Variants in KIAA1217 observed in about 807,000 individuals in gnomAD.
KIAA1217 encodes sickle tail protein homolog.
In KIAA1217, 88 loss-of-function variants were observed where a neutral mutation model predicts 163.9. The ratio of observed to expected loss-of-function variants is 0.54; its 90% CI spans 0.45 to 0.64. The LOEUF is 0.64. Ranked by LOEUF, KIAA1217 falls within the 30% of genes least tolerant of loss-of-function variation. KIAA1217 has a pLI of 0.00. For missense variants in KIAA1217, 2,372 were observed against 2,475.0 expected (o/e 0.96, Z 0.88); for synonymous variants, 903 against 923.1 (o/e 0.98, Z 0.39).
In KIAA1217 at chr10:24,543,462, G is replaced by A; in HGVS notation, c.4192G>A (p.Gly1398Arg). The A allele has an allele frequency of 6.2e-7, 1 of 1,614,138 alleles. No individual in the cohort carries two copies. Among genetic ancestry groups the A allele is most frequent in the Non-Finnish European group, 8.5e-7 (1 of 1,180,030 alleles). The change falls in exon 19 of 21, where the codon GGG (glycine) becomes AGG (arginine). Residue 1398 changes from glycine to arginine, a missense_variant. Physicochemically the swap from Gly to Arg is moderately radical, Grantham distance 125. This residue lies in a region of KIAA1217 where 690 missense variants were observed against 677.5 expected (regional missense o/e 1.02). Coordinates refer to ENST00000376454, the MANE Select transcript of KIAA1217 (RefSeq NM_019590.5). Reference sequence around the variant, plus strand: ...AACCACTGTCCAGGTTCTTTCCAGTGGGGAGGTGCATGATATTGTTAGCCA... The same window carrying A: ...AACCACTGTCCAGGTTCTTTCCAGTAGGGAGGTGCATGATATTGTTAGCCA... ...TETTVQVLSSGEVHDIVSQKG... is the reference protein window; with the variant it reads ...TETTVQVLSSREVHDIVSQKG...
At chr10:24,425,958 TC>T (rs2059136266) in intron 3 of KIAA1217, among the ~76,000 whole-genome samples, 1 of 152,262 alleles carries the variant, frequency 6.6e-6, no homozygotes, top group South Asian at 2.1e-4. Flanking sequence ...TTAATATTTT[TC>T]ATAAGTTGAA....
intron 1 of KIAA1217, among the ~76,000 whole-genome samples, chr10:23,699,731 C>T (rs565587680): frequency 6.6e-6 from 1 of 152,294 alleles, no homozygotes; most frequent in East Asian, 1.9e-4. Context: ...CTCAAGTGAT[C>T]CTCACACCTT....
At chr10:24,361,621 A>G (rs973415321) in intron 2 of KIAA1217, among the ~76,000 whole-genome samples, 3 of 152,226 alleles carry the variant, frequency 2.0e-5, no homozygotes, top group East Asian at 1.9e-4. Flanking sequence ...GGCAAATACC[A>G]TATCATGCAG....
intron 5 of KIAA1217, among the ~76,000 whole-genome samples, chr10:24,443,103 A>AT (rs2060635310): frequency 2.0e-5 from 3 of 151,834 alleles, no homozygotes; most frequent in African/African-American, 7.3e-5. Flanking sequence ...AAGAAATGGG[A>AT]TTTTGCCATG....
At chr10:24,410,893 A>G (rs1564632766) in intron 3 of KIAA1217, among the ~76,000 whole-genome samples, 1 of 152,138 alleles carries the variant, frequency 6.6e-6, no homozygotes, top group African/African-American at 2.4e-5. Flanking sequence ...ACCTAAAATA[A>G]TCTGTTTCTC....
At chr10:24,155,682 C>T (rs186743643) in intron 2 of KIAA1217, among the ~76,000 whole-genome samples, 169 of 152,134 alleles carry the variant, frequency 1.1e-3, no homozygotes, top group African/African-American at 4.0e-3. Flanking sequence ...ATTAGCTGGG[C>T]TCAGTGGCGG....
chr10:24,456,439 A>G (rs1244337529), intron 5 of KIAA1217, among the ~76,000 whole-genome samples: 1 of 152,216 alleles, frequency 6.6e-6, no homozygotes, highest in African/African-American at 2.4e-5. Context: ...TCAGTGACAC[A>G]ACAATGATGG....
Position 24,520,164 on chromosome 10 carries a change from C to T in KIAA1217, c.2219C>T (p.Thr740Met), listed in dbSNP as rs771678693. ...GTTGAAGACTTGAAGAAGGACTCCA[C>T]GGCAGCCAGCCGATTGGTTACTCTG... Reference protein sequence around the residue: ...DFVEDLKKDSTAASRLVTLKD... With the variant: ...DFVEDLKKDSMAASRLVTLKD... Residue 740 changes from threonine to methionine, a missense_variant, in exon 11 of 21, where the codon ACG (threonine) becomes ATG (methionine). By Grantham distance (81) the Thr-to-Met change is moderately conservative. Coordinates refer to ENST00000376454, the MANE Select transcript of KIAA1217 (RefSeq NM_019590.5). The T allele has an allele frequency of 6.2e-7, 1 of 1,614,084 alleles. No individual in the cohort carries two copies. Among genetic ancestry groups the T allele is most frequent in the South Asian group, 1.1e-5 (1 of 91,068 alleles).
At chr10:23,904,687 C>T (rs1232678756) in intron 1 of KIAA1217, among the ~76,000 whole-genome samples, 1 of 152,210 alleles carries the variant, frequency 6.6e-6, no homozygotes, top group Non-Finnish European at 1.5e-5. Flanking sequence ...AAGCAAGTCA[C>T]GTGGCTACAT....
intron 2 of KIAA1217, among the ~76,000 whole-genome samples, chr10:24,373,191 G>C (rs528244023): frequency 6.6e-6 from 1 of 152,176 alleles, no homozygotes; most frequent in Non-Finnish European, 1.5e-5. Context: ...CTCTAAGCAT[G>C]TCACACATCC....
intron 2 of KIAA1217, among the ~76,000 whole-genome samples, chr10:24,099,936 C>T (rs1248830044): frequency 1.3e-5 from 2 of 152,042 alleles, no homozygotes; most frequent in African/African-American, 4.8e-5. Context: ...CCTCATTTCA[C>T]CTGCCTTGAA....
chr10:24,273,713 G>A (rs181253257), intron 2 of KIAA1217, among the ~76,000 whole-genome samples: 4 of 151,898 alleles, frequency 2.6e-5, no homozygotes, highest in African/African-American at 7.2e-5. Context: ...TCAGCCGGGT[G>A]TGGTGGCACA....
chr10:24,053,483 T>C (rs1364409772), intron 2 of KIAA1217, among the ~76,000 whole-genome samples: 1 of 152,172 alleles, frequency 6.6e-6, no homozygotes, highest in Non-Finnish European at 1.5e-5. Flanking sequence ...TTGGAGCTAA[T>C]AAACTTAAGT....
intron 1 of KIAA1217, among the ~76,000 whole-genome samples, chr10:23,749,709 G>C (rs886328492): frequency 2.0e-5 from 3 of 152,108 alleles, no homozygotes; most frequent in Admixed American, 1.3e-4. Flanking sequence ...CCGGCATTTT[G>C]ATCTTTTTTC....
At chr10:24,364,822 C>G (rs1461350636) in intron 2 of KIAA1217, among the ~76,000 whole-genome samples, 2 of 150,072 alleles carry the variant, frequency 1.3e-5, no homozygotes, top group Non-Finnish European at 3.0e-5. Context: ...CAGTGTTTCT[C>G]TCTGTTGCCC....
At chr10:23,814,206 A>G (rs1258851597) in intron 1 of KIAA1217, among the ~76,000 whole-genome samples, 1 of 152,202 alleles carries the variant, frequency 6.6e-6, no homozygotes, top group East Asian at 1.9e-4. Flanking sequence ...GTTGACAAAA[A>G]GGAACAATTT....
chr10:24,404,726 A>G (rs1345973605), intron 3 of KIAA1217, among the ~76,000 whole-genome samples: 2 of 152,208 alleles, frequency 1.3e-5, no homozygotes, highest in African/African-American at 4.8e-5. Context: ...GCCAAAAGCT[A>G]GAAACTACCC....
rs758367708 is a variant in KIAA1217 at position 24,088,256 on chromosome 10, C to CATAT, written c.-171+80898_-171+80901dup. On this transcript the variant is annotated intron_variant, in intron 2 of 18. Coordinates refer to the KIAA1217 transcript ENST00000376462. Reference sequence around the variant, plus strand: ...TCCCAGGCTCTGTTTTTTTAATATACATATATATATATATATATACACACA... The same window carrying CATAT: ...TCCCAGGCTCTGTTTTTTTAATATACATATATATATATATATATATATACACACA... 2.9e-3 allele frequency among the ~76,000 whole-genome samples: 280 copies of CATAT among 95,856 alleles called. 57 individuals are homozygous for CATAT. Among genetic ancestry groups the CATAT allele is most frequent in the Non-Finnish European group, 4.4e-3 (176 of 39,822 alleles). The allele number at this position is 95,856 out of a possible 152,430, so 62.9% of individuals were successfully genotyped here.
In KIAA1217 at chr10:24,093,413, C is replaced by G. The variant is rs533425422; in HGVS notation, c.-171+86039C>G. Among the ~76,000 whole-genome samples, 9 of 151,680 alleles carry G rather than the reference C, an allele frequency of 5.9e-5. No individual in the cohort carries two copies. The South Asian group carries it at 1.5e-3, about 24-fold the overall frequency. On this transcript the variant is annotated intron_variant, in intron 2 of 18. Transcript: ENST00000376462. ...TCTTGAACTCCTGATCTCCGATGAT[C>G]CACCCACCTCAGCCTCTCAAAGTGC...
Sources: gnomAD v4.1 joint callset for allele counts (sites outside exome capture counted in the v4.1 genomes callset) on GRCh38, gnomAD v4.1.1 for gene constraint, gnomAD v4.1.1 regional missense constraint, MANE v1.5 for transcripts, NCBI Gene and HGNC (gene_info 2026-07-23, HGNC 2026-07-21) for gene names.